WDR41: variants seen among roughly 807,000 people sequenced by gnomAD.
WDR41 encodes the protein WD repeat domain 41.
WDR41 carries 63 observed loss-of-function variants against 69.3 expected under a neutral mutation model. The ratio of observed to expected loss-of-function variants is 0.91; its 90% CI spans 0.74 to 1.12. The LOEUF (loss-of-function observed/expected upper bound fraction) is 1.12. Ranked by LOEUF, WDR41 falls within the 50% of genes most tolerant of loss-of-function variation. WDR41 has a pLI of 0.00. For synonymous variants in WDR41, 185 were observed against 192.1 expected, an observed-to-expected ratio of 0.96 and a Z score of 0.31; for missense variants, 543 against 534.5, an observed-to-expected ratio of 1.02 and a Z score of -0.16.
In WDR41 at chr5:77,545,817, G is replaced by A. The variant is rs547136484; in HGVS notation, c.43-56245C>T. On this transcript the variant is annotated intron_variant, in intron 1 of 5. Transcript: ENST00000509971. ...TCTGGGTGTTAAGTGCTCCAAGGAG[G>A]TGGCCACTGCCATCCGTGGGGCCAT... 6.1e-4 allele frequency: 612 copies of A among 1,008,760 alleles called. 3 individuals carry two copies. The highest frequency in any genetic ancestry group is 9.4e-4 in the Middle Eastern group (3 of 3,188). The allele number at this position is 1,008,760 out of a possible 1,614,324, so 62.5% of individuals were successfully genotyped here.
At chr5:77,453,698 A>G in intron 6 of WDR41, 119 bp downstream of exon 6, 1 of 726,520 alleles carries the variant, frequency 1.4e-6, no homozygotes, top group Non-Finnish European at 2.3e-6. Context: ...TGTTATCTTC[A>G]GAACTGAAAA....
chr5:77,556,547 A>C (rs1743404984), intron 1 of WDR41, among the ~76,000 whole-genome samples: 1 of 152,130 alleles, frequency 6.6e-6, no homozygotes, highest in African/African-American at 2.4e-5. Context: ...AGCTGGGATT[A>C]CAGGCACGCG....
chr5:77,487,809 G>A (rs1801590360), intron 2 of WDR41, among the ~76,000 whole-genome samples: 1 of 151,994 alleles, frequency 6.6e-6, no homozygotes, highest in South Asian at 2.1e-4. Flanking sequence ...CGGTGGGGAG[G>A]GTGGGGACTG....
In WDR41 at chr5:77,582,922, G is replaced by A. The variant is rs148282938; in HGVS notation, c.42+37557C>T. On this transcript the variant is annotated intron_variant, in intron 1 of 5. Transcript: ENST00000509971. ...GATTGCTCGATCTCTTGGTAAATAC[G>A]GCATTATCTGCATGGAGGATTTGAT... 3.9e-4 allele frequency: 627 copies of A among 1,609,510 alleles called. 3 individuals carry two copies. In the African/African-American group the frequency reaches 6.3e-3, roughly 16 times the overall value.
rs60442242 is a variant in WDR41, at chr5:77,442,894, C to CAAAAAAAAAAAAAAAAAAA, written c.698-1916_698-1898dup. On this transcript the variant is annotated intron_variant, in intron 8 of 12. Coordinates refer to ENST00000296679, the MANE Select transcript of WDR41 (RefSeq NM_018268.4). ...GCGACAGAGCGAGACTCTGTCTCCC[C>CAAAAAAAAAAAAAAAAAAA]AAAAAAAAAAAAAAAAAAAGGATTT... Among the ~76,000 whole-genome samples, 22 of 56,254 alleles carry CAAAAAAAAAAAAAAAAAAA rather than the reference C, an allele frequency of 3.9e-4. 4 individuals carry two copies. Among genetic ancestry groups the CAAAAAAAAAAAAAAAAAAA allele is most frequent in the African/African-American group, 1.7e-3 (17 of 9,930 alleles). 36.9% of individuals were successfully genotyped at this position (56,254 alleles called of 152,430 possible). A position where few individuals can be genotyped will look rare whatever the true frequency, so the allele number is the denominator to read the frequency against.
intron 12 of WDR41, among the ~76,000 whole-genome samples, chr5:77,433,813 C>T (rs1798825683): frequency 6.6e-6 from 1 of 152,104 alleles, no homozygotes; most frequent in Non-Finnish European, 1.5e-5. Flanking sequence ...CTAAATAATG[C>T]AGTATAGACT....
chr5:77,520,058 G>A (rs1372645662), intron 1 of WDR41, among the ~76,000 whole-genome samples: 1 of 152,030 alleles, frequency 6.6e-6, no homozygotes, highest in Admixed American at 6.6e-5. Flanking sequence ...GGGAAAAATT[G>A]CACAATTAGA....
At chr5:77,469,652 A>T (rs900529399) in intron 2 of WDR41, among the ~76,000 whole-genome samples, 1 of 152,220 alleles carries the variant, frequency 6.6e-6, no homozygotes, top group Non-Finnish European at 1.5e-5. Context: ...TTACAATAAA[A>T]TAACATTGAA....
At chr5:77,568,311 G>A (rs1423431754) in intron 1 of WDR41, among the ~76,000 whole-genome samples, 1 of 152,182 alleles carries the variant, frequency 6.6e-6, no homozygotes, top group African/African-American at 2.4e-5. Flanking sequence ...TGACATTGGA[G>A]AATTTATTCA....
At chr5:77,537,151 C>T (rs1174168757) in intron 1 of WDR41, among the ~76,000 whole-genome samples, 1 of 152,250 alleles carries the variant, frequency 6.6e-6, no homozygotes, top group East Asian at 1.9e-4. Flanking sequence ...CCGACCTTGC[C>T]TACATCTTTT....
chr5:77,569,394 G>T (rs1000111716), intron 1 of WDR41, among the ~76,000 whole-genome samples: 1 of 151,950 alleles, frequency 6.6e-6, no homozygotes, highest in Non-Finnish European at 1.5e-5. Flanking sequence ...AACTCATATT[G>T]TACTTTTTAT....
At chr5:77,482,624 G>C (rs1413386796) in intron 2 of WDR41, among the ~76,000 whole-genome samples, 1 of 151,898 alleles carries the variant, frequency 6.6e-6, no homozygotes, top group Non-Finnish European at 1.5e-5. Flanking sequence ...TGACTTTTTG[G>C]TAAGACCACC....
intron 1 of WDR41, among the ~76,000 whole-genome samples, chr5:77,539,392 G>A (rs930220769): frequency 4.6e-5 from 7 of 152,154 alleles, no homozygotes; most frequent in Admixed American, 2.0e-4. Context: ...TTTAATGTGC[G>A]TAAGAGTCAC....
At chr5:77,493,316 ATTG>A (rs1278501195), upstream of WDR41, among the ~76,000 whole-genome samples, 1 of 152,216 alleles carries the variant, frequency 6.6e-6, no homozygotes. Flanking sequence ...CTAGCAGTAA[ATTG>A]TTGTAGGGAA....
chr5:77,582,584 G>A (rs1743959097), intron 1 of WDR41: 4 of 1,600,036 alleles, frequency 2.5e-6, no homozygotes, highest in Non-Finnish European at 3.4e-6. Context: ...ACTGAAATTC[G>A]AGTGGCGAGG....
intron 1 of WDR41, among the ~76,000 whole-genome samples, chr5:77,564,222 C>T (rs1028222062): frequency 1.3e-5 from 2 of 152,192 alleles, no homozygotes; most frequent in Admixed American, 6.6e-5. Flanking sequence ...CTCCTTGCAC[C>T]GGAACCACTG....
rs754446059 is a variant in WDR41 at position 77,433,229 on chromosome 5, A to C, written c.1286T>G (p.Ile429Ser). ...LVTCSADHLIILWKNGERESG... is the reference protein window; with the variant it reads ...LVTCSADHLISLWKNGERESG... ...TTCTCGCTCTCCATTTTTCCACAAA[A>C]TAATGAGATGATCAGCGGAGCACGT... is the stretch of plus-strand genomic sequence containing the variant. The change falls in exon 13 of 13, where the codon ATT (isoleucine) becomes AGT (serine). Residue 429 changes from isoleucine to serine, a missense_variant. Coordinates refer to ENST00000296679, the MANE Select transcript of WDR41 (RefSeq NM_018268.4). The C allele has an allele frequency of 8.1e-6, 13 of 1,613,778 alleles. No individual in the cohort carries two copies. In the Admixed American group the frequency reaches 8.3e-5, roughly 10 times the overall value.
intron 1 of WDR41, chr5:77,499,572 A>G (rs765961): frequency 0.59 from 89,822 of 152,030 alleles, 27,816 homozygotes; most frequent in African/African-American, 0.77. Flanking sequence ...AGTGCATCCA[A>G]ACCCAGACCT....
chr5:77,584,733 C>T (rs1744007522), intron 1 of WDR41, among the ~76,000 whole-genome samples: 1 of 152,074 alleles, frequency 6.6e-6, no homozygotes, highest in African/African-American at 2.4e-5. Context: ...AAAAGACATC[C>T]TACTCAGCAA....
Sources: gnomAD v4.1 joint callset for allele counts (sites outside exome capture counted in the v4.1 genomes callset) on GRCh38, gnomAD v4.1.1 for gene constraint, MANE v1.5 for transcripts, NCBI Gene and HGNC (gene_info 2026-07-23, HGNC 2026-07-21) for gene names.